Variants in MGMT observed in about 807,000 individuals in gnomAD.
MGMT encodes the protein O-6-methylguanine-DNA methyltransferase.
Under a neutral mutation model 15.9 loss-of-function variants are expected in MGMT, and 14 were observed. The observed-to-expected ratio is 0.88, with a 90% confidence interval of 0.58 to 1.37. The LOEUF is 1.37. Ranked by LOEUF, MGMT falls within the 40% of genes most tolerant of loss-of-function variation. MGMT has a pLI of 0.00. For missense variants in MGMT, 282 were observed against 268.1 expected, an observed-to-expected ratio of 1.05 and a Z score of -0.36; for synonymous variants, 130 against 118.2, an observed-to-expected ratio of 1.10 and a Z score of -0.65.
chr10:129,721,067 G>T (rs1344482655), intron 3 of MGMT, among the ~76,000 whole-genome samples: 1 of 152,250 alleles, frequency 6.6e-6, no homozygotes, highest in Non-Finnish European at 1.5e-5. Context: ...ATGGCAAGTT[G>T]ATAGTTTCGT....
At chr10:129,470,683 A>G (rs1711650) in intron 1 of MGMT, among the ~76,000 whole-genome samples, 93,429 of 152,038 alleles carry the variant, frequency 0.61, 29,128 homozygotes, top group Middle Eastern at 0.7. Flanking sequence ...CCAGCTAAGT[A>G]ACTGAATAGG....
chr10:129,578,685 TAAG>T (rs1463383332), intron 2 of MGMT, among the ~76,000 whole-genome samples: 1 of 152,188 alleles, frequency 6.6e-6, no homozygotes, highest in Non-Finnish European at 1.5e-5. Context: ...AGTATAATAA[TAAG>T]AAAGAAACAA....
intron 1 of MGMT, among the ~76,000 whole-genome samples, chr10:129,492,433 CCA>C (rs1299987703): frequency 6.6e-6 from 1 of 152,190 alleles, no homozygotes; most frequent in Non-Finnish European, 1.5e-5. Flanking sequence ...TCCTCCCACC[CCA>C]GTCTCGTAAG....
chr10:129,500,288 G>T (rs1845562330), intron 1 of MGMT, among the ~76,000 whole-genome samples: 1 of 152,200 alleles, frequency 6.6e-6, no homozygotes, highest in Non-Finnish European at 1.5e-5. Flanking sequence ...ACTGGGCGGG[G>T]GATTCACACC....
intron 3 of MGMT, among the ~76,000 whole-genome samples, chr10:129,712,744 T>G (rs1373041736): frequency 6.6e-6 from 1 of 152,112 alleles, no homozygotes; most frequent in African/African-American, 2.4e-5. Flanking sequence ...CGTCATTACT[T>G]GGGTCCTCAC....
At chr10:129,551,014 G>C (rs542667681) in intron 2 of MGMT, among the ~76,000 whole-genome samples, 2 of 152,140 alleles carry the variant, frequency 1.3e-5, no homozygotes, top group South Asian at 4.1e-4. Context: ...GAGCCATTTC[G>C]GGTAGGGCCC....
chr10:129,592,573 C>T (rs1846699492), intron 2 of MGMT, among the ~76,000 whole-genome samples: 1 of 152,132 alleles, frequency 6.6e-6, no homozygotes, highest in Non-Finnish European at 1.5e-5. Flanking sequence ...CTTCAGGGTC[C>T]ACATGGAAAC....
chr10:129,582,558 CTAAAGTA>C (rs1490291133), intron 2 of MGMT, among the ~76,000 whole-genome samples: 2 of 151,686 alleles, frequency 1.3e-5, no homozygotes, highest in Non-Finnish European at 2.9e-5. Flanking sequence ...CAAATTATTT[CTAAAGTA>C]TAAAGTCTGG....
intron 1 of MGMT, among the ~76,000 whole-genome samples, chr10:129,528,889 C>T (rs1173092051): frequency 1.3e-5 from 2 of 152,208 alleles, no homozygotes; most frequent in Non-Finnish European, 2.9e-5. Flanking sequence ...TCTTTGGCTA[C>T]AGTTGTGACA....
chr10:129,729,401 C>T (rs1848471319), intron 3 of MGMT, among the ~76,000 whole-genome samples: 1 of 152,172 alleles, frequency 6.6e-6, no homozygotes, highest in Admixed American at 6.5e-5. Flanking sequence ...CTGTCCCACT[C>T]CCCTGCCGGC....
intron 2 of MGMT, among the ~76,000 whole-genome samples, chr10:129,580,796 C>A (rs1460096086): frequency 1.3e-5 from 2 of 152,246 alleles, no homozygotes; most frequent in Non-Finnish European, 2.9e-5. Flanking sequence ...CAGCTCAAGG[C>A]AGCAAGTGCC....
intron 2 of MGMT, among the ~76,000 whole-genome samples, chr10:129,599,718 G>A (rs918155857): frequency 6.6e-6 from 1 of 152,182 alleles, no homozygotes; most frequent in African/African-American, 2.4e-5. Context: ...GTGGGAGGGA[G>A]TTCTATAACT....
At chr10:129,754,712 G>A (rs764912054) in intron 3 of MGMT, among the ~76,000 whole-genome samples, 25 of 152,252 alleles carry the variant, frequency 1.6e-4, no homozygotes, top group Non-Finnish European at 2.6e-4. Flanking sequence ...GTGGTGGAAG[G>A]CATTCCATGG....
chr10:129,713,824 G>T (rs562098255), intron 3 of MGMT, among the ~76,000 whole-genome samples: 7 of 152,216 alleles, frequency 4.6e-5, no homozygotes, highest in African/African-American at 1.2e-4. Flanking sequence ...CCAGATCCCC[G>T]CCAATGTCCT....
intron 2 of MGMT, among the ~76,000 whole-genome samples, chr10:129,672,891 A>T (rs985466563): frequency 2.0e-5 from 3 of 152,194 alleles, no homozygotes; most frequent in Non-Finnish European, 2.9e-5. Context: ...TTGGAGAAAC[A>T]GTGTGTAGAA....
chr10:129,471,655 T>G (rs1036356179), intron 1 of MGMT, among the ~76,000 whole-genome samples: 2 of 152,118 alleles, frequency 1.3e-5, no homozygotes, highest in African/African-American at 4.8e-5. Context: ...AGAATTACTG[T>G]GGGTGCTGGC....
intron 3 of MGMT, among the ~76,000 whole-genome samples, chr10:129,748,212 T>C (rs1564783975): frequency 6.6e-6 from 1 of 152,188 alleles, no homozygotes; most frequent in Non-Finnish European, 1.5e-5. Context: ...TTCTTCTCCC[T>C]CACCTATTTC....
At chr10:129,496,550 T>G (rs1462754167) in intron 1 of MGMT, among the ~76,000 whole-genome samples, 4 of 152,128 alleles carry the variant, frequency 2.6e-5, no homozygotes, top group African/African-American at 9.7e-5. Context: ...TAGCCATTAT[T>G]TCCATCTGCT....
At chr10:129,575,563 A>C (rs1343483907) in intron 2 of MGMT, among the ~76,000 whole-genome samples, 1 of 149,874 alleles carries the variant, frequency 6.7e-6, no homozygotes, top group Non-Finnish European at 1.5e-5. Flanking sequence ...ATAGCACTAA[A>C]TGCCCACAAG....
Sources: allele counts gnomAD v4.1 joint callset (sites outside exome capture counted in the v4.1 genomes callset), GRCh38; gene constraint gnomAD v4.1.1; transcripts MANE v1.5; gene names NCBI Gene and HGNC (gene_info 2026-07-23, HGNC 2026-07-21).